Variants in HLA-E observed in about 807,000 individuals in gnomAD.
HLA-E encodes HLA class I histocompatibility antigen, alpha chain E.
A neutral mutation model predicts 43.4 loss-of-function variants in HLA-E; 25 were observed. The observed-to-expected ratio is 0.58, with a 90% CI of 0.42 to 0.80. HLA-E has a LOEUF of 0.80. Among genes scored for constraint, HLA-E ranks in the 30% least tolerant of loss-of-function variants. The pLI, the probability that HLA-E is intolerant of heterozygous loss-of-function variation, is 0.00. For synonymous variants in HLA-E, 161 were observed against 197.6 expected (o/e 0.81, Z 1.55); for missense variants, 343 against 470.0 (o/e 0.73, Z 2.50).
At position 30,493,310 on chromosome 6, in the gene HLA-E, AAAAT is replaced by A. The variant is rs906586898; in HGVS notation, c.*568_*571del. On this transcript the variant is annotated 3_prime_UTR_variant, in exon 8 of 8. Coordinates refer to ENST00000376630, the MANE Select transcript of HLA-E (RefSeq NM_005516.6). This position sits in a 1 kb window ranked among gnomAD's most constrained non-coding sequence, Gnocchi z 5.5. ...CGCCATCTCAAAAAATAAAAATTGA[AAAAT>A]AAAAAAAGAACCTGGATCTCAATTT... The A allele has an allele frequency of 6.6e-6, 1 of 152,158 alleles. No individual in the cohort carries two copies. The highest frequency in any genetic ancestry group is 2.4e-5 in the African/African-American group (1 of 41,428). The allele number at this position is 152,158 out of a possible 1,614,324, so 9.4% of individuals were successfully genotyped here.
Position 30,489,624 on chromosome 6 carries a change from C to G in HLA-E, c.64+29C>G, listed in dbSNP as rs1039160819. ...AGTGCGGGGTCGGGATGGAAACGGC[C>G]TCTACCGGGAGTAGAGAGGGGCCGG... On this transcript the variant is annotated intron_variant, in intron 1 of 7. Transcript: ENST00000376630. The surrounding 1 kb of genome is among the most constrained non-coding windows in gnomAD (Gnocchi z 5.6). 1 of 1,592,554 alleles carries G rather than the reference C, an allele frequency of 6.3e-7. No individual in the cohort carries two copies. The highest frequency in any genetic ancestry group is 1.7e-4 in the Middle Eastern group (1 of 5,752).
At position 30,492,754 on chromosome 6, in the gene HLA-E, GACAGCTGCCTTGTGTGCGACTGAGATGC is replaced by G. The variant is rs1348538819; in HGVS notation, c.*38_*65del. The G allele has an allele frequency of 2.8e-4, 204 of 731,104 alleles. 1 individual carries two copies. The highest frequency in any genetic ancestry group is 7.3e-4 in the South Asian group (43 of 59,136). The allele number at this position is 731,104 out of a possible 1,614,324, so 45.3% of individuals were successfully genotyped here. A position where few individuals can be genotyped will look rare whatever the true frequency, so the allele number is the denominator to read the frequency against. On this transcript the variant is annotated 3_prime_UTR_variant, in exon 8 of 8. Coordinates refer to ENST00000376630, the MANE Select transcript of HLA-E (RefSeq NM_005516.6). The surrounding 1 kb of genome is among the most constrained non-coding windows in gnomAD (Gnocchi z 4.5). ...ATGACTATTTTCTTCTGTAGCCTGA[GACAGCTGCCTTGTGTGCGACTGAGATGC>G]ACAGCTGCCTTGTGTGCGACTGAGA...
Position 30,491,699 on chromosome 6 carries a change from GGT to G in HLA-E, c.1003+49_1003+50del. 1 of 1,478,658 alleles carries G rather than the reference GGT, an allele frequency of 6.8e-7. No homozygotes were observed. Among genetic ancestry groups the G allele is most frequent in the Non-Finnish European group, 9.4e-7 (1 of 1,067,842 alleles). 91.6% of individuals were successfully genotyped at this position (1,478,658 alleles called of 1,614,324 possible). A position where few individuals can be genotyped will look rare whatever the true frequency, so the allele number is the denominator to read the frequency against. On this transcript the variant is annotated intron_variant, in intron 5 of 7. Transcript: ENST00000376630. This position sits in a 1 kb window ranked among gnomAD's most constrained non-coding sequence, Gnocchi z 5.4. ...GGGTCTGAGTTTTCTTGTCCCACTG[GGT>G]GTTTCAAGCCCTAGGTAAAAGTGTG...
At position 30,491,853 on chromosome 6, in the gene HLA-E, A is replaced by G. The variant is rs1263255145; in HGVS notation, c.1003+200A>G. 6.6e-6 allele frequency among the ~76,000 whole-genome samples: 1 copy of G among 152,026 alleles called. No homozygotes were observed. Among genetic ancestry groups the G allele is most frequent in the African/African-American group, 2.4e-5 (1 of 41,384 alleles). On this transcript the variant is annotated intron_variant, in intron 5 of 7. Coordinates refer to ENST00000376630, the MANE Select transcript of HLA-E (RefSeq NM_005516.6). The surrounding 1 kb of genome is among the most constrained non-coding windows in gnomAD (Gnocchi z 5.4). ...GCTCTGTCACCCAGGCTGGAGTGCAATGGCGTGGTTTCAGCTCACTGCAAC... is the reference window on the plus strand; with the variant it reads ...GCTCTGTCACCCAGGCTGGAGTGCAGTGGCGTGGTTTCAGCTCACTGCAAC...
Position 30,492,524 on chromosome 6 carries a change from T to A in HLA-E, c.1037-17T>A. On this transcript the variant is annotated splice_polypyrimidine_tract_variant and intron_variant, in intron 6 of 7. Transcript: ENST00000376630. This position sits in a 1 kb window ranked among gnomAD's most constrained non-coding sequence, Gnocchi z 4.5. ...TCCTGTGGGCTCTGACCAGGTCTTG[T>A]TTTTGTTCTACCCCAGGGAGCGACA... 1 of 1,614,014 alleles carries A rather than the reference T, an allele frequency of 6.2e-7. No individual in the cohort carries two copies. The highest frequency in any genetic ancestry group is 1.1e-5 in the South Asian group (1 of 91,076).
chr6:30,491,875 C>T lies in HLA-E; in HGVS notation c.1003+222C>T, dbSNP rs1796565653. On this transcript the variant is annotated intron_variant, in intron 5 of 7. Coordinates refer to ENST00000376630, the MANE Select transcript of HLA-E (RefSeq NM_005516.6). This position sits in a 1 kb window ranked among gnomAD's most constrained non-coding sequence, Gnocchi z 5.4. ...GCAATGGCGTGGTTTCAGCTCACTGCAACCTCCGCCTCCCAGGTTCAAGCA... is the reference window on the plus strand; with the variant it reads ...GCAATGGCGTGGTTTCAGCTCACTGTAACCTCCGCCTCCCAGGTTCAAGCA... Among the ~76,000 whole-genome samples the T allele has an allele frequency of 1.3e-5, 2 of 152,152 alleles. No individual in the cohort carries two copies. Among genetic ancestry groups the T allele is most frequent in the Non-Finnish European group, 2.9e-5 (2 of 68,024 alleles).
rs1796509580 is a variant in HLA-E at position 30,491,200 on chromosome 6, G to A, written c.674G>A (p.Trp225Ter). 1 of 1,613,988 alleles carries A rather than the reference G, an allele frequency of 6.2e-7. No individual in the cohort carries two copies. Among genetic ancestry groups the A allele is most frequent in the Non-Finnish European group, 8.5e-7 (1 of 1,179,900 alleles). Residue 225 changes from tryptophan (W) to a stop codon, truncating the protein, a stop_gained, in exon 4 of 8, where the codon TGG (tryptophan) becomes TAG (stop). Transcript: ENST00000376630. LOFTEE classifies it high-confidence loss of function. The surrounding 1 kb of genome is among the most constrained non-coding windows in gnomAD (Gnocchi z 5.4). ...ISDHEATLRC[W>*]ALGFYPAEIT... ...GACCATGAGGCCACCCTGAGGTGCT[G>A]GGCCCTGGGCTTCTACCCTGCGGAG... is the stretch of plus-strand genomic sequence containing the variant.
chr6:30,490,015 G>T lies in HLA-E; in HGVS notation c.334+20G>T, dbSNP rs1796431324. 1 of 1,595,244 alleles carries T rather than the reference G, an allele frequency of 6.3e-7. No homozygotes were observed. Among genetic ancestry groups the T allele is most frequent in the Non-Finnish European group, 8.6e-7 (1 of 1,169,348 alleles). On this transcript the variant is annotated intron_variant, in intron 2 of 7. Coordinates refer to ENST00000376630, the MANE Select transcript of HLA-E (RefSeq NM_005516.6). The surrounding 1 kb of genome is among the most constrained non-coding windows in gnomAD (Gnocchi z 6.6). ...AGGCCGGTGAGTGACCCCGGCCAGG[G>T]GAGCAGGTCACGACCCCTCCCCATC... is the stretch of plus-strand genomic sequence containing the variant.
Position 30,491,091 on chromosome 6 carries a change from C to T in HLA-E, c.611-46C>T. On this transcript the variant is annotated intron_variant, in intron 3 of 7. Coordinates refer to ENST00000376630, the MANE Select transcript of HLA-E (RefSeq NM_005516.6). The surrounding 1 kb of genome is among the most constrained non-coding windows in gnomAD (Gnocchi z 5.4). The stretch of plus-strand genomic sequence containing the variant: ...GTCACATGGGTGCTGCTGGAGTGTC[C>T]CATGAGAGATACAAAGTGCCTGAAT... The T allele has an allele frequency of 6.2e-7, 1 of 1,604,416 alleles. No homozygotes were observed. Among genetic ancestry groups the T allele is most frequent in the Non-Finnish European group, 8.5e-7 (1 of 1,174,100 alleles).
chr6:30,492,834 T>C lies in HLA-E; in HGVS notation c.*88T>C, dbSNP rs552595805. 1 of 643,652 alleles carries C rather than the reference T, an allele frequency of 1.6e-6. No individual in the cohort carries two copies. Among genetic ancestry groups the C allele is most frequent in the East Asian group, 2.6e-5 (1 of 38,860 alleles). The allele number at this position is 643,652 out of a possible 1,614,324, so 39.9% of individuals were successfully genotyped here. A position where few individuals can be genotyped will look rare whatever the true frequency, so the allele number is the denominator to read the frequency against. ...GCAGGATTTCCTCACGCCTCCCCTATGTGTCTTAGGGGACTCTGGCTTCTC... is the reference window on the plus strand; with the variant it reads ...GCAGGATTTCCTCACGCCTCCCCTACGTGTCTTAGGGGACTCTGGCTTCTC... On this transcript the variant is annotated 3_prime_UTR_variant, in exon 8 of 8. Coordinates refer to ENST00000376630, the MANE Select transcript of HLA-E (RefSeq NM_005516.6). The surrounding 1 kb of genome is among the most constrained non-coding windows in gnomAD (Gnocchi z 4.5).
Position 30,492,323 on chromosome 6 carries a change from G to A in HLA-E, c.1004-81G>A. 1 of 1,473,294 alleles carries A rather than the reference G, an allele frequency of 6.8e-7. No homozygotes were observed. The highest frequency in any genetic ancestry group is 1.1e-5 in the South Asian group (1 of 88,234). The allele number at this position is 1,473,294 out of a possible 1,614,324, so 91.3% of individuals were successfully genotyped here. ...GTCACAGTTCAGGAAACTTCTCTGGGATCCAAAACTAGGAGGTTCCTCTAG... is the reference window on the plus strand; with the variant it reads ...GTCACAGTTCAGGAAACTTCTCTGGAATCCAAAACTAGGAGGTTCCTCTAG... On this transcript the variant is annotated intron_variant, in intron 5 of 7. Coordinates refer to ENST00000376630, the MANE Select transcript of HLA-E (RefSeq NM_005516.6). This position sits in a 1 kb window ranked among gnomAD's most constrained non-coding sequence, Gnocchi z 4.5.
At position 30,491,425 on chromosome 6, in the gene HLA-E, A is replaced by T. The variant is rs769516196; in HGVS notation, c.886+13A>T. The T allele has an allele frequency of 2.5e-6, 4 of 1,613,696 alleles. No individual in the cohort carries two copies. Among genetic ancestry groups the T allele is most frequent in the Non-Finnish European group, 3.4e-6 (4 of 1,179,760 alleles). ...ACCCTGAGATGGAGTAAGGAGGGGG[A>T]TGGGAGGTCATGTCTCTTCTCAGGG... On this transcript the variant is annotated intron_variant, in intron 4 of 7. Transcript: ENST00000376630. This position sits in a 1 kb window ranked among gnomAD's most constrained non-coding sequence, Gnocchi z 5.4.
rs17875371 is a variant in HLA-E, at chr6:30,492,455, C to T, written c.1036+19C>T. On this transcript the variant is annotated intron_variant, in intron 6 of 7. Transcript: ENST00000376630. This position sits in a 1 kb window ranked among gnomAD's most constrained non-coding sequence, Gnocchi z 4.5. Reference sequence around the variant, plus strand: ...GCTGAGTGTAAGTGCGGGGCGGGAGCGTGGAGGAGCTCGCCCACCCTATAA... The same window carrying T: ...GCTGAGTGTAAGTGCGGGGCGGGAGTGTGGAGGAGCTCGCCCACCCTATAA... 0.033 allele frequency: 52,916 copies of T among 1,613,744 alleles called. 2,342 individuals are homozygous for T. The highest frequency in any genetic ancestry group is 0.21 in the East Asian group (9,353 of 44,862).
At position 30,490,325 on chromosome 6, in the gene HLA-E, C is replaced by CG; in HGVS notation, c.422dup (p.Lys142GlnfsTer8). ...GCGGGTATGAACAGTTCGCCTACGA[C>CG]GGCAAGGATTATCTCACCCTGAATG... On this transcript the variant is annotated frameshift_variant, in exon 3 of 8. Coordinates refer to ENST00000376630, the MANE Select transcript of HLA-E (RefSeq NM_005516.6). LOFTEE classifies it high-confidence loss of function. The surrounding 1 kb of genome is among the most constrained non-coding windows in gnomAD (Gnocchi z 6.6). 6.2e-7 allele frequency: 1 copy of CG among 1,613,078 alleles called. No homozygotes were observed. Among genetic ancestry groups the CG allele is most frequent in the Non-Finnish European group, 8.5e-7 (1 of 1,180,030 alleles).
chr6:30,491,663 G>T lies in HLA-E; in HGVS notation c.1003+10G>T. ...AGGAAGAAGAGCTCAGGTGGGGAAG[G>T]GAGAAGGGTGGGGTCTGAGTTTTCT... On this transcript the variant is annotated intron_variant, in intron 5 of 7. Transcript: ENST00000376630. This position sits in a 1 kb window ranked among gnomAD's most constrained non-coding sequence, Gnocchi z 5.4. The T allele has an allele frequency of 1.2e-6, 2 of 1,604,846 alleles. No individual in the cohort carries two copies. The highest frequency in any genetic ancestry group is 1.7e-6 in the Non-Finnish European group (2 of 1,173,554).
rs781414256 is a variant in HLA-E at position 30,491,670 on chromosome 6, G to A, written c.1003+17G>A. 3.8e-6 allele frequency: 6 copies of A among 1,597,936 alleles called. No individual in the cohort carries two copies. The highest frequency in any genetic ancestry group is 1.3e-5 in the African/African-American group (1 of 74,392). On this transcript the variant is annotated intron_variant, in intron 5 of 7. Transcript: ENST00000376630. The surrounding 1 kb of genome is among the most constrained non-coding windows in gnomAD (Gnocchi z 5.4). ...AGAGCTCAGGTGGGGAAGGGAGAAGGGTGGGGTCTGAGTTTTCTTGTCCCA... is the reference window on the plus strand; with the variant it reads ...AGAGCTCAGGTGGGGAAGGGAGAAGAGTGGGGTCTGAGTTTTCTTGTCCCA...
rs762896202 is a variant in HLA-E, at chr6:30,491,432, G to T, written c.886+20G>T. On this transcript the variant is annotated intron_variant, in intron 4 of 7. Transcript: ENST00000376630. The surrounding 1 kb of genome is among the most constrained non-coding windows in gnomAD (Gnocchi z 5.4). ...GATGGAGTAAGGAGGGGGATGGGAG[G>T]TCATGTCTCTTCTCAGGGAAAGCGG... The T allele has an allele frequency of 6.2e-7, 1 of 1,613,736 alleles. No individual in the cohort carries two copies. The highest frequency in any genetic ancestry group is 8.5e-7 in the Non-Finnish European group (1 of 1,179,672).
Position 30,491,070 on chromosome 6 carries a change from C to T in HLA-E, c.611-67C>T. ...GTCCTCTTCCTTCTCAGGATGGTCA[C>T]ATGGGTGCTGCTGGAGTGTCCCATG... is the stretch of plus-strand genomic sequence containing the variant. On this transcript the variant is annotated intron_variant, in intron 3 of 7. Transcript: ENST00000376630. The surrounding 1 kb of genome is among the most constrained non-coding windows in gnomAD (Gnocchi z 5.4). The T allele has an allele frequency of 1.3e-6, 2 of 1,579,134 alleles. No individual in the cohort carries two copies. The highest frequency in any genetic ancestry group is 1.7e-6 in the Non-Finnish European group (2 of 1,158,418).
chr6:30,491,308 C>T lies in HLA-E; in HGVS notation c.782C>T (p.Thr261Ile). Residue 261 changes from threonine to isoleucine, a missense_variant, in exon 4 of 8, where the codon ACC becomes ATC. Physicochemically the swap from Thr to Ile is moderately conservative, Grantham distance 89. Around this residue, in one of 3 missense-constraint regions of HLA-E, gnomAD observed 190 missense variants for 283.6 expected, o/e 0.67. Coordinates refer to ENST00000376630, the MANE Select transcript of HLA-E (RefSeq NM_005516.6). The surrounding 1 kb of genome is among the most constrained non-coding windows in gnomAD (Gnocchi z 5.4). ...GAGACCAGGCCTGCAGGGGATGGAA[C>T]CTTCCAGAAGTGGGCAGCTGTGGTG... is the stretch of plus-strand genomic sequence containing the variant. ...LVETRPAGDG[T>I]FQKWAAVVVP... 6.2e-7 allele frequency: 1 copy of T among 1,614,220 alleles called. No homozygotes were observed.
Sources: allele counts gnomAD v4.1 joint callset (sites outside exome capture counted in the v4.1 genomes callset), GRCh38; gene constraint gnomAD v4.1.1; regional missense constraint gnomAD v4.1.1; non-coding constraint Gnocchi (gnomAD v3.1); transcripts MANE v1.5; gene names NCBI Gene and HGNC (gene_info 2026-07-23, HGNC 2026-07-21).